The following NCOA1 variants were observed in gnomAD, a reference collection of about 807,000 sequenced individuals.
NCOA1 encodes the protein Hin-2 protein.
Under a neutral mutation model 150.9 loss-of-function variants are expected in NCOA1, and 35 were observed. That is an observed-to-expected ratio of 0.23 (90% confidence interval 0.18 to 0.31). The LOEUF (loss-of-function observed/expected upper bound fraction) is 0.31, where lower values mean the gene tolerates loss of function less well. NCOA1 is among the 10% of genes least tolerant of loss of function. The pLI is 1.00. For synonymous variants in NCOA1, 590 were observed against 630.0 expected (o/e 0.94, Z 0.95); for missense variants, 1,491 against 1,749.3 (o/e 0.85, Z 2.63).
At chr2:24,602,526 C>CT (rs964679245) in intron 3 of NCOA1, among the ~76,000 whole-genome samples, 3 of 152,104 alleles carry the variant, frequency 2.0e-5, no homozygotes, top group Admixed American at 6.5e-5. Context: ...AAAATACACT[C>CT]TAAGTTATTT....
chr2:24,758,005 C>T lies in NCOA1; in HGVS notation c.3914C>T (p.Thr1305Met), dbSNP rs770279405. 1.6e-5 allele frequency: 26 copies of T among 1,613,932 alleles called. No homozygotes were observed. The highest frequency in any genetic ancestry group is 1.6e-4 in the Middle Eastern group (1 of 6,084). ...AGTCAAGCTGTCCAGAACCAGCCCA[C>T]GCCTGCACAGCCAGGAGTATACAAC... ...VFSQAVQNQP[T>M]PAQPGVYNNM... The change falls in exon 21 of 23, where the codon ACG becomes ATG. Residue 1305 changes from threonine (T) to methionine (M), a missense_variant. Thr to Met is a moderately conservative substitution (Grantham distance 81). Transcript: ENST00000348332.
intron 1 of NCOA1, among the ~76,000 whole-genome samples, chr2:24,508,264 G>T (rs1028177211): frequency 6.6e-6 from 1 of 151,686 alleles, no homozygotes; most frequent in African/African-American, 2.4e-5. Context: ...CGTGGATTTG[G>T]GAAGGAAAAG....
In NCOA1 at chr2:24,652,345, T is replaced by C. The variant is rs1201150777; in HGVS notation, c.-17-6316T>C. Among the ~76,000 whole-genome samples, 4 of 152,198 alleles carry C rather than the reference T, an allele frequency of 2.6e-5. 1 individual carries two copies. The highest frequency in any genetic ancestry group is 5.9e-5 in the Non-Finnish European group (4 of 67,948). ...GGACTCCAGTTTGAGAAACATTTTT[T>C]TGGAAATTACCTAGTTCAGATCTCT... On this transcript the variant is annotated intron_variant, in intron 4 of 22. Transcript: ENST00000348332.
At chr2:24,497,336 A>G (rs1464777065) in intron 1 of NCOA1, among the ~76,000 whole-genome samples, 1 of 150,672 alleles carries the variant, frequency 6.6e-6, no homozygotes, top group Non-Finnish European at 1.5e-5. Flanking sequence ...TTCCTTTCTG[A>G]TGACCCGGGA....
intron 3 of NCOA1, among the ~76,000 whole-genome samples, chr2:24,600,433 C>G (rs542246772): frequency 3.0e-4 from 46 of 152,348 alleles, no homozygotes; most frequent in Non-Finnish European, 6.2e-4. Context: ...TCTCAAACTC[C>G]TGAGCTCAAG....
At chr2:24,545,497 A>C (rs1665570863) in intron 1 of NCOA1, among the ~76,000 whole-genome samples, 1 of 152,166 alleles carries the variant, frequency 6.6e-6, no homozygotes, top group Non-Finnish European at 1.5e-5. Flanking sequence ...CAGAATTCCA[A>C]ATAATTTGTG....
rs376064450 is a variant in NCOA1, at chr2:24,757,974, G to A, written c.3883G>A (p.Val1295Met). ...WQQGAIGNNN[V>M]FSQAVQNQPT... ...TCTGGATTGTTTTTGAGTTTACAGT[G>A]TGTTCAGTCAAGCTGTCCAGAACCA... is the stretch of plus-strand genomic sequence containing the variant. Residue 1295 changes from valine (V) to methionine (M), a missense_variant and splice_region_variant, in exon 21 of 23, where the codon GTG becomes ATG. Transcript: ENST00000348332. 1.1e-5 allele frequency: 17 copies of A among 1,613,180 alleles called. No individual in the cohort carries two copies. In the African/African-American group the frequency reaches 2.0e-4, roughly 19 times the overall value.
intron 11 of NCOA1, among the ~76,000 whole-genome samples, chr2:24,703,943 G>A (rs1182914852): frequency 6.6e-6 from 1 of 151,980 alleles, no homozygotes; most frequent in Admixed American, 6.5e-5. Flanking sequence ...AGAATTATAT[G>A]GTATTATTAA....
Position 24,518,501 on chromosome 2 carries a change from T to TA in NCOA1, c.-396+26909dup, listed in dbSNP as rs375497557. ...GGAGGTTCTAATCTGTATGATGAAG[T>TA]AAAAAAAAAAGAAATAAAAGGCATC... On this transcript the variant is annotated intron_variant, in intron 1 of 22. Transcript: ENST00000348332. 8.2e-3 allele frequency among the ~76,000 whole-genome samples: 1,209 copies of TA among 147,186 alleles called. 17 individuals are homozygous for TA. Among genetic ancestry groups the TA allele is most frequent in the African/African-American group, 0.028 (1,127 of 40,206 alleles).
intron 2 of NCOA1, among the ~76,000 whole-genome samples, chr2:24,565,841 G>A (rs539257842): frequency 6.6e-6 from 1 of 152,314 alleles, no homozygotes; most frequent in South Asian, 2.1e-4. Context: ...CTCCCTGCAA[G>A]CTGTGTCTGG....
At chr2:24,730,927 A>G (rs1572653757) in intron 17 of NCOA1, among the ~76,000 whole-genome samples, 1 of 148,486 alleles carries the variant, frequency 6.7e-6, no homozygotes, top group Admixed American at 6.8e-5. Context: ...AATCCCAGCT[A>G]CTCTGGAGGT....
At chr2:24,647,387 C>T (rs1411092631) in intron 4 of NCOA1, among the ~76,000 whole-genome samples, 3 of 152,092 alleles carry the variant, frequency 2.0e-5, no homozygotes, top group Non-Finnish European at 2.9e-5. Flanking sequence ...TCAGTTTTCT[C>T]GTCACTAACA....
chr2:24,762,196 C>T (rs769464813), intron 21 of NCOA1, among the ~76,000 whole-genome samples: 4 of 152,260 alleles, frequency 2.6e-5, no homozygotes, highest in Non-Finnish European at 5.9e-5. Context: ...TGTTAGGGAT[C>T]ACTGTCCTTC....
intron 3 of NCOA1, among the ~76,000 whole-genome samples, chr2:24,598,315 A>G (rs1667964952): frequency 6.6e-6 from 1 of 152,226 alleles, no homozygotes; most frequent in African/African-American, 2.4e-5. Context: ...AATTGAAATT[A>G]TTATAAGGAA....
At chr2:24,663,282 C>G (rs1671268483) in intron 5 of NCOA1, among the ~76,000 whole-genome samples, 1 of 151,914 alleles carries the variant, frequency 6.6e-6, no homozygotes, top group Admixed American at 6.6e-5. Flanking sequence ...TTTTTTCTTT[C>G]AGGAAGCCAG....
intron 1 of NCOA1, among the ~76,000 whole-genome samples, chr2:24,563,924 T>G (rs1443986667): frequency 2.6e-5 from 4 of 152,190 alleles, no homozygotes; most frequent in African/African-American, 9.7e-5. Flanking sequence ...CTAGGAACCC[T>G]GTTTCCTTTT....
At chr2:24,618,642 A>C (rs576951958) in intron 3 of NCOA1, among the ~76,000 whole-genome samples, 1 of 152,320 alleles carries the variant, frequency 6.6e-6, no homozygotes, top group South Asian at 2.1e-4. Flanking sequence ...TCAGGCCTTC[A>C]CAAATCTGTG....
chr2:24,752,484 T>C (rs1399875354), intron 20 of NCOA1, among the ~76,000 whole-genome samples: 3 of 152,208 alleles, frequency 2.0e-5, no homozygotes, highest in Admixed American at 6.5e-5. Context: ...TTAAATCTTA[T>C]AAGTATCAAG....
chr2:24,566,798 C>G (rs1174220924), intron 2 of NCOA1, among the ~76,000 whole-genome samples: 1 of 152,262 alleles, frequency 6.6e-6, no homozygotes, highest in Non-Finnish European at 1.5e-5. Context: ...TGGGTTGCAA[C>G]AGTGCCCGGC....
Sources: allele counts gnomAD v4.1 joint callset (sites outside exome capture counted in the v4.1 genomes callset), GRCh38; gene constraint gnomAD v4.1.1; transcripts MANE v1.5; gene names NCBI Gene and HGNC (gene_info 2026-07-23, HGNC 2026-07-21).